The following UQCC1 variants were observed in gnomAD, a reference collection of about 807,000 sequenced individuals.
UQCC1 encodes ubiquinol-cytochrome c reductase complex assembly factor 1, also known as bFGF-repressed Zic-binding protein.
In UQCC1, 38 loss-of-function variants were observed where a neutral mutation model predicts 48.0. The observed-to-expected ratio is 0.79, with a 90% CI of 0.61 to 1.04. The LOEUF (loss-of-function observed/expected upper bound fraction) is 1.04. Among genes scored for constraint, UQCC1 ranks in the 50% least tolerant of loss-of-function variants. The probability of loss-of-function intolerance (pLI) is 0.00; values close to 1 mark genes in which losing one functional copy is unlikely to be tolerated. For missense variants in UQCC1, 368 were observed against 381.8 expected (o/e 0.96, Z 0.30); for synonymous variants, 111 against 129.2 (o/e 0.86, Z 0.95).
At chr20:35,360,529 T>C (rs1028545249) in intron 6 of UQCC1, among the ~76,000 whole-genome samples, 4 of 152,238 alleles carry the variant, frequency 2.6e-5, no homozygotes, top group African/African-American at 9.6e-5. Context: ...GCTTCCCTTC[T>C]GAACTGTTTT....
intron 8 of UQCC1, among the ~76,000 whole-genome samples, chr20:35,310,617 G>T (rs28534664): frequency 8.1e-6 from 1 of 122,708 alleles, no homozygotes; most frequent in Non-Finnish European, 1.6e-5. Context: ...CTGCACTCCA[G>T]CCTGGCAACA....
At chr20:35,316,959 A>G (rs1385282429) in intron 7 of UQCC1, among the ~76,000 whole-genome samples, 4 of 134,072 alleles carry the variant, frequency 3.0e-5, no homozygotes, top group Non-Finnish European at 4.7e-5. Context: ...TTTTTGAGAC[A>G]GAGTCTCGCT....
At position 35,376,345 on chromosome 20, in the gene UQCC1, G is replaced by C. The variant is rs79920844; in HGVS notation, c.334-2089C>G. ...AATAAAATTGATAACCTATAAAACT[G>C]ATCAAGGAAAAAGAAAAGCCCAAAA... On this transcript the variant is annotated intron_variant, in intron 4 of 9. Coordinates refer to ENST00000374385, the MANE Select transcript of UQCC1 (RefSeq NM_018244.5). Among the ~76,000 whole-genome samples the C allele has an allele frequency of 7.8e-3, 1,178 of 151,968 alleles. 14 individuals carry two copies. The highest frequency in any genetic ancestry group is 0.026 in the African/African-American group (1,094 of 41,452).
At chr20:35,343,982 A>G (rs1383763596) in intron 7 of UQCC1, 2 of 152,250 alleles carry the variant, frequency 1.3e-5, no homozygotes, top group African/African-American at 4.8e-5. Flanking sequence ...AAACGGCTGG[A>G]TAAAATGCGA....
chr20:35,353,665 G>A (rs994629034), intron 6 of UQCC1, among the ~76,000 whole-genome samples: 3 of 151,882 alleles, frequency 2.0e-5, no homozygotes, highest in Non-Finnish European at 2.9e-5. Context: ...GGTGGTAAGC[G>A]TCTGTAGTCC....
chr20:35,371,013 C>A (rs530484694), intron 5 of UQCC1, among the ~76,000 whole-genome samples: 2 of 152,238 alleles, frequency 1.3e-5, no homozygotes, highest in East Asian at 3.9e-4. Flanking sequence ...CCCTTCCTAG[C>A]CCACAATATT....
intron 7 of UQCC1, among the ~76,000 whole-genome samples, chr20:35,323,750 A>T (rs551875392): frequency 6.6e-6 from 1 of 152,196 alleles, no homozygotes; most frequent in South Asian, 2.1e-4. Flanking sequence ...ATGGGTCAGT[A>T]GATCTTAGAA....
intron 7 of UQCC1, chr20:35,344,906 G>A (rs1027226299): frequency 6.6e-6 from 1 of 152,234 alleles, no homozygotes; most frequent in Non-Finnish European, 1.5e-5. Context: ...CTCCAAGGAG[G>A]GCAGAGAGGC....
intron 6 of UQCC1, among the ~76,000 whole-genome samples, chr20:35,364,676 C>T (rs2061645739): frequency 6.6e-6 from 1 of 152,186 alleles, no homozygotes; most frequent in Non-Finnish European, 1.5e-5. Flanking sequence ...GGGGGTGGTA[C>T]ACCCTACTCC....
At chr20:35,397,200 C>CAA (rs1390856627) in intron 1 of UQCC1, among the ~76,000 whole-genome samples, 2 of 100,088 alleles carry the variant, frequency 2.0e-5, no homozygotes, top group Non-Finnish European at 4.1e-5. Flanking sequence ...GACTCTGTCT[C>CAA]AAAAAAAAAA....
intron 1 of UQCC1, among the ~76,000 whole-genome samples, chr20:35,406,650 T>C (rs753700850): frequency 2.3e-4 from 35 of 152,176 alleles, no homozygotes; most frequent in Admixed American, 1.1e-3. Context: ...CAAATCTACA[T>C]GAAGAAATAA....
At chr20:35,345,397 C>T (rs180748204) in intron 7 of UQCC1, 2 of 152,334 alleles carry the variant, frequency 1.3e-5, no homozygotes, top group East Asian at 1.9e-4. Context: ...CTGGTGACCT[C>T]TCTCCAGAAT....
intron 1 of UQCC1, among the ~76,000 whole-genome samples, chr20:35,405,762 C>G (rs2062242110): frequency 6.6e-6 from 1 of 152,284 alleles, no homozygotes; most frequent in African/African-American, 2.4e-5. Context: ...GTGGCAGGCA[C>G]CTGTAATCCC....
intron 3 of UQCC1, among the ~76,000 whole-genome samples, chr20:35,383,166 A>G (rs2061897303): frequency 6.6e-6 from 1 of 152,314 alleles, no homozygotes; most frequent in Non-Finnish European, 1.5e-5. Context: ...TTTTTTAGTA[A>G]AGGTATCACA....
In UQCC1 at chr20:35,378,586, C is replaced by T. The variant is rs559626340; in HGVS notation, c.333+3332G>A. Among the ~76,000 whole-genome samples, 167 of 152,152 alleles carry T rather than the reference C, an allele frequency of 1.1e-3. 1 individual carries two copies. The highest frequency in any genetic ancestry group is 3.9e-3 in the African/African-American group (162 of 41,506). On this transcript the variant is annotated intron_variant, in intron 4 of 9. Transcript: ENST00000374385. The stretch of plus-strand genomic sequence containing the variant: ...CAGAGGTTGCAGTGAGCCGAGATCG[C>T]GCCACTGCACTCCAGCCTGGGCGAC...
intron 1 of UQCC1, among the ~76,000 whole-genome samples, chr20:35,397,962 A>G (rs1264452062): frequency 6.6e-6 from 1 of 152,206 alleles, no homozygotes; most frequent in Admixed American, 6.5e-5. Flanking sequence ...GGTACTTTAC[A>G]TATATGAACT....
At chr20:35,376,136 C>T (rs933849841) in intron 4 of UQCC1, among the ~76,000 whole-genome samples, 3 of 150,604 alleles carry the variant, frequency 2.0e-5, no homozygotes, top group African/African-American at 4.9e-5. Context: ...GGTGAAACCC[C>T]GACTCTACTA....
At chr20:35,409,799 T>A (rs1241893499) in intron 1 of UQCC1, among the ~76,000 whole-genome samples, 3 of 134,772 alleles carry the variant, frequency 2.2e-5, no homozygotes, top group Admixed American at 8.4e-5. Context: ...ACAAGAATGT[T>A]TCAGGAATAC....
chr20:35,398,328 A>C (rs377531523), intron 1 of UQCC1, among the ~76,000 whole-genome samples: 1 of 152,218 alleles, frequency 6.6e-6, no homozygotes, highest in Non-Finnish European at 1.5e-5. Flanking sequence ...TATCAAAAAT[A>C]AAGACAAAAT....
Sources: gnomAD v4.1 joint callset for allele counts (sites outside exome capture counted in the v4.1 genomes callset) on GRCh38, gnomAD v4.1.1 for gene constraint, MANE v1.5 for transcripts, NCBI Gene and HGNC (gene_info 2026-07-23, HGNC 2026-07-21) for gene names.